The following PUM3 variants were observed in gnomAD, a reference collection of about 807,000 sequenced individuals.
PUM3 encodes the protein pumilio homolog 3.
In PUM3, 91 loss-of-function variants were observed where a neutral mutation model predicts 84.0. The observed-to-expected ratio is 1.08, with a 90% confidence interval of 0.91 to 1.29. PUM3 has a LOEUF of 1.29. PUM3 is among the 50% of genes most tolerant of loss of function. The pLI is 0.00. For synonymous variants in PUM3, 321 were observed against 266.7 expected, an observed-to-expected ratio of 1.20 and a Z score of -1.98; for missense variants, 1,067 against 767.5, an observed-to-expected ratio of 1.39 and a Z score of -4.61.
chr9:2,821,443 C>CAAAAAAGAAAAAAAA (rs1815621826), intron 12 of PUM3, among the ~76,000 whole-genome samples: 1 of 50,130 alleles, frequency 2.0e-5, no homozygotes, highest in African/African-American at 8.1e-5. Flanking sequence ...GACTCTGTCT[C>CAAAAAAGAAAAAAAA]AAAAAAAAAA....
rs373640545 is a variant in PUM3, at chr9:2,804,222, C to T, written c.*109G>A. 2 of 1,061,560 alleles carry T rather than the reference C, an allele frequency of 1.9e-6. No homozygotes were observed. The allele number at this position is 1,061,560 out of a possible 1,614,324, so 65.8% of individuals were successfully genotyped here. ...CGTATACAAAGAAGAAACACATATA[C>T]AGAGTACCCCAATTACCAGTATGGT... On this transcript the variant is annotated 3_prime_UTR_variant, in exon 18 of 18. Coordinates refer to ENST00000397885, the MANE Select transcript of PUM3 (RefSeq NM_014878.5).
chr9:2,827,746 T>C lies in PUM3; in HGVS notation c.957-595A>G, dbSNP rs1307504973. Among the ~76,000 whole-genome samples the C allele has an allele frequency of 2.6e-5, 4 of 152,220 alleles. No individual in the cohort carries two copies. In the East Asian group the frequency reaches 7.7e-4, roughly 29 times the overall value. On this transcript the variant is annotated intron_variant, in intron 9 of 17. Transcript: ENST00000397885. ...CCAAGTAGACAGCAAAAACTAACAC[T>C]GCCTTTATGGGCAAAGCACTGTTCT...
At chr9:2,812,046 T>C (rs1244218819) in intron 14 of PUM3, among the ~76,000 whole-genome samples, 174 bp downstream of exon 14, 2 of 152,190 alleles carry the variant, frequency 1.3e-5, no homozygotes, top group East Asian at 1.9e-4. Flanking sequence ...GACACTTTTA[T>C]TTCCTTGTCA....
rs1821550575 is a variant in PUM3, at chr9:2,819,882, T to C, written c.1269+136A>G. The C allele has an allele frequency of 7.9e-6, 4 of 506,966 alleles. No individual in the cohort carries two copies. The South Asian group carries it at 1.4e-4, about 17-fold the overall frequency. The allele number at this position is 506,966 out of a possible 1,614,324, so 31.4% of individuals were successfully genotyped here. A position where few individuals can be genotyped will look rare whatever the true frequency, so the allele number is the denominator to read the frequency against. ...AACAAACCTCCAAAATAAAACATAA[T>C]TAACTTAAAAGTAAGCAAAAATACT... On this transcript the variant is annotated intron_variant, in intron 13 of 17. Transcript: ENST00000397885.
intron 2 of PUM3, among the ~76,000 whole-genome samples, chr9:2,837,818 T>C (rs1164519891): frequency 6.6e-6 from 1 of 152,180 alleles, no homozygotes; most frequent in Non-Finnish European, 1.5e-5. Context: ...TTGAACATTC[T>C]TGAAATTTGG....
intron 3 of PUM3, among the ~76,000 whole-genome samples, chr9:2,835,599 C>A (rs1177668124): frequency 6.6e-6 from 1 of 152,014 alleles, no homozygotes; most frequent in Non-Finnish European, 1.5e-5. Flanking sequence ...AGATTATAGG[C>A]AACAGAGGGC....
At chr9:2,804,817 G>T (rs1054262311) in intron 17 of PUM3, among the ~76,000 whole-genome samples, 3 of 152,146 alleles carry the variant, frequency 2.0e-5, no homozygotes, top group African/African-American at 7.2e-5. Context: ...AGGACTATAA[G>T]CTCAAGAGCA....
intron 12 of PUM3, among the ~76,000 whole-genome samples, chr9:2,820,631 T>G (rs887036665): frequency 6.6e-6 from 1 of 152,194 alleles, no homozygotes; most frequent in Non-Finnish European, 1.5e-5. Flanking sequence ...CAAATGATTT[T>G]TAATTTTCTT....
intron 16 of PUM3, among the ~76,000 whole-genome samples, chr9:2,809,966 G>A (rs926099743): frequency 1.3e-5 from 2 of 151,980 alleles, no homozygotes; most frequent in African/African-American, 4.8e-5. Flanking sequence ...CCTTTCTACT[G>A]AGGTAATGAT....
intron 16 of PUM3, among the ~76,000 whole-genome samples, chr9:2,808,599 T>C (rs139624939): frequency 6.6e-6 from 1 of 152,202 alleles, no homozygotes; most frequent in Admixed American, 6.5e-5. Context: ...TCAGGTAGCA[T>C]GTACTATATA....
At chr9:2,836,624 C>T (rs891811646) in intron 3 of PUM3, among the ~76,000 whole-genome samples, 1 of 152,126 alleles carries the variant, frequency 6.6e-6, no homozygotes, top group Non-Finnish European at 1.5e-5. Context: ...TATGGATCTG[C>T]GCCATCAGAG....
At chr9:2,825,680 C>T (rs1815798098) in intron 10 of PUM3, among the ~76,000 whole-genome samples, 2 of 152,018 alleles carry the variant, frequency 1.3e-5, no homozygotes, top group Admixed American at 6.6e-5. Context: ...CTGGGTTTCA[C>T]CATATTGGCC....
Position 2,831,280 on chromosome 9 carries a change from T to G in PUM3, c.581A>C (p.Gln194Pro). ...CAATTCTTCAAAAGCCTGTTTTCTC[T>G]GTTCTTCATTACCATACTGAATGTA... ...QCYIQYGNEE[Q>P]RKQAFEELRD... Residue 194 changes from glutamine (Q) to proline (P), a missense_variant, in exon 6 of 18, where the codon CAG (glutamine) becomes CCG (proline). Coordinates refer to ENST00000397885, the MANE Select transcript of PUM3 (RefSeq NM_014878.5). 6.2e-7 allele frequency: 1 copy of G among 1,607,962 alleles called. No individual in the cohort carries two copies. Among genetic ancestry groups the G allele is most frequent in the Non-Finnish European group, 8.5e-7 (1 of 1,176,532 alleles).
At chr9:2,816,478 C>T (rs1381329034) in intron 13 of PUM3, among the ~76,000 whole-genome samples, 1 of 152,182 alleles carries the variant, frequency 6.6e-6, no homozygotes, top group Non-Finnish European at 1.5e-5. Flanking sequence ...TTAACTGTAT[C>T]CTTCAAAATG....
chr9:2,813,601 C>G (rs1240330292), intron 13 of PUM3, among the ~76,000 whole-genome samples: 1 of 152,168 alleles, frequency 6.6e-6, no homozygotes, highest in Non-Finnish European at 1.5e-5. Flanking sequence ...GGAATTCTCT[C>G]TGAGATGATA....
intron 10 of PUM3, among the ~76,000 whole-genome samples, chr9:2,825,561 C>T (rs999548115): frequency 6.6e-6 from 1 of 151,972 alleles, no homozygotes; most frequent in Non-Finnish European, 1.5e-5. Context: ...TGGCTTACTG[C>T]AACCTCCACC....
At chr9:2,838,377 C>T (rs1448328341) in intron 2 of PUM3, 49 bp downstream of exon 2, 18 of 1,234,448 alleles carry the variant, frequency 1.5e-5, no homozygotes, top group Middle Eastern at 1.9e-4. Flanking sequence ...CATGCCCTCC[C>T]ATCCCCCAAT....
intron 8 of PUM3, among the ~76,000 whole-genome samples, chr9:2,829,537 A>T (rs1815915220): frequency 1.3e-5 from 2 of 152,234 alleles, no homozygotes; most frequent in African/African-American, 4.8e-5. Flanking sequence ...CAGAGCACTC[A>T]GGAGAGGAAC....
intron 8 of PUM3, 36 bp from the exon 9 acceptor site, chr9:2,828,814 T>G (rs769207971): frequency 1.7e-6 from 2 of 1,146,084 alleles, no homozygotes; most frequent in Non-Finnish European, 2.6e-6. Context: ...CCCTCTAAAT[T>G]TAATCAATTT....
Sources: allele counts gnomAD v4.1 joint callset (sites outside exome capture counted in the v4.1 genomes callset), GRCh38; gene constraint gnomAD v4.1.1; transcripts MANE v1.5; gene names NCBI Gene and HGNC (gene_info 2026-07-23, HGNC 2026-07-21).